Variants in CTBP2 observed in about 807,000 individuals in gnomAD.
The protein encoded by CTBP2 is C-terminal binding protein 2, also known as C-terminal-binding protein 2.
In CTBP2, 30 loss-of-function variants were observed where a neutral mutation model predicts 80.3. The ratio of observed to expected loss-of-function variants is 0.37; its 90% CI spans 0.28 to 0.51. CTBP2 has a LOEUF of 0.51. Among genes scored for constraint, CTBP2 ranks in the 20% least tolerant of loss-of-function variants. CTBP2 has a pLI of 0.93. For synonymous variants in CTBP2, 594 were observed against 587.4 expected (o/e 1.01, Z -0.16); for missense variants, 1,212 against 1,375.3 (o/e 0.88, Z 1.88).
At chr10:125,004,575 G>A (rs571517237) in intron 1 of CTBP2, among the ~76,000 whole-genome samples, 1 of 152,186 alleles carries the variant, frequency 6.6e-6, no homozygotes, top group East Asian at 1.9e-4. Flanking sequence ...AGTTCCAGAG[G>A]TGCAATCCGC....
In CTBP2 at chr10:124,985,888, C is replaced by A; in HGVS notation, c.*3630G>T. 6.7e-6 allele frequency: 1 copy of A among 148,444 alleles called. No homozygotes were observed. Among genetic ancestry groups the A allele is most frequent in the South Asian group, 2.3e-4 (1 of 4,368 alleles). 9.2% of individuals were successfully genotyped at this position (148,444 alleles called of 1,614,324 possible). On this transcript the variant is annotated 3_prime_UTR_variant, in exon 9 of 9. Coordinates refer to ENST00000309035, the MANE Select transcript of CTBP2 (RefSeq NM_022802.3). ...CCAGATTGCCATGCCAGAGGGTCTT[C>A]GGATTCTTCCTTCTATCACCTCTGC...
intron 1 of CTBP2, among the ~76,000 whole-genome samples, chr10:125,120,151 C>A (rs544314108): frequency 9.5e-4 from 144 of 152,316 alleles, no homozygotes; most frequent in African/African-American, 3.3e-3. Context: ...GGATCTAGGA[C>A]CCCGACTGAT....
intron 2 of CTBP2, among the ~76,000 whole-genome samples, chr10:125,075,360 T>G (rs1846123428): frequency 6.6e-6 from 1 of 152,156 alleles, no homozygotes; most frequent in African/African-American, 2.4e-5. Context: ...TCTACCCCCA[T>G]TAATGAATCA....
At chr10:125,155,323 C>T (rs1272165787) in intron 1 of CTBP2, among the ~76,000 whole-genome samples, 2 of 152,186 alleles carry the variant, frequency 1.3e-5, no homozygotes, top group African/African-American at 4.8e-5. Context: ...TAGCCCTTGG[C>T]TCCCATGGTC....
rs549589018 is a variant in CTBP2 at position 125,140,620 on chromosome 10, C to T, written c.-206+19699G>A. Among the ~76,000 whole-genome samples the T allele has an allele frequency of 3.3e-5, 5 of 151,690 alleles. No individual in the cohort carries two copies. In the South Asian group the frequency reaches 1.1e-3, roughly 32 times the overall value. Reference sequence around the variant, plus strand: ...GGTGGATCACCTGAGGTCAGGAGTTCGAGACCAGCCTGGCTAACATGGCAA... The same window carrying T: ...GGTGGATCACCTGAGGTCAGGAGTTTGAGACCAGCCTGGCTAACATGGCAA... On this transcript the variant is annotated intron_variant, in intron 1 of 10. Transcript: ENST00000337195.
intron 1 of CTBP2, chr10:125,133,453 C>G (rs1000714025): frequency 1.3e-5 from 2 of 152,200 alleles, no homozygotes; most frequent in Non-Finnish European, 2.9e-5. Context: ...AGCAGTGAAG[C>G]CAAGCATGCA....
In CTBP2 at chr10:124,994,578, T is replaced by C. The variant is rs1307873561; in HGVS notation, c.2291A>G (p.Gln764Arg). ...CAAATCCTGCAGGGTGTAGACCCTC[T>C]GCACGCCCAGGGACCGCTCGATCCC... The change falls in exon 5 of 9, where the codon CAG becomes CGG. Residue 764 changes from glutamine to arginine, a missense_variant. Around this residue, in one of 3 missense-constraint regions of CTBP2, gnomAD observed 335 missense variants for 504.7 expected, o/e 0.66. Transcript: ENST00000309035. The C allele has an allele frequency of 6.2e-7, 1 of 1,614,020 alleles. No homozygotes were observed. The highest frequency in any genetic ancestry group is 8.5e-7 in the Non-Finnish European group (1 of 1,179,866).
At chr10:125,030,586 A>C (rs1958072174), upstream of CTBP2, among the ~76,000 whole-genome samples, 1 of 152,252 alleles carries the variant, frequency 6.6e-6, no homozygotes, top group Non-Finnish European at 1.5e-5. Context: ...ATCATGCAGG[A>C]AACTGCTTGA....
intron 2 of CTBP2, 26 bp from the exon 5 acceptor site, chr10:125,003,130 G>A (rs777026257): frequency 1.5e-5 from 24 of 1,613,052 alleles, no homozygotes; most frequent in Admixed American, 1.0e-4. Context: ...GCACAGGGTC[G>A]GAGCCCCACC....
chr10:124,995,389 G>A (rs892121525), intron 4 of CTBP2, among the ~76,000 whole-genome samples: 1 of 152,208 alleles, frequency 6.6e-6, no homozygotes, highest in Non-Finnish European at 1.5e-5. Context: ...AACCCATGGG[G>A]TCCCCCTCGA....
intron 1 of CTBP2, among the ~76,000 whole-genome samples, chr10:125,112,142 TC>T (rs1852385749): frequency 7.1e-6 from 1 of 141,488 alleles, no homozygotes; most frequent in Non-Finnish European, 1.5e-5. Context: ...AGAAAGAGTC[TC>T]ACTCTGTCAC....
At chr10:124,993,059 A>G in intron 7 of CTBP2, 143 bp downstream of exon 9, 1 of 1,098,534 alleles carries the variant, frequency 9.1e-7, no homozygotes, top group Non-Finnish European at 1.3e-6. Flanking sequence ...GCTTACGTAA[A>G]TAAACAGGGC....
intron 3 of CTBP2, among the ~76,000 whole-genome samples, chr10:125,035,102 G>A (rs1203169318): frequency 6.6e-6 from 1 of 152,114 alleles, no homozygotes; most frequent in East Asian, 1.9e-4. Flanking sequence ...GAGACCCACT[G>A]GGGAAACTCC....
chr10:125,033,884 C>T (rs11595737), intron 3 of CTBP2, among the ~76,000 whole-genome samples: 13,061 of 152,166 alleles, frequency 0.086, 763 homozygotes, highest in Admixed American at 0.17. Context: ...CAGGGCACCA[C>T]CAACCAGGCG....
intron 2 of CTBP2, among the ~76,000 whole-genome samples, chr10:125,105,340 T>TG (rs972050114): frequency 6.6e-6 from 1 of 152,158 alleles, no homozygotes; most frequent in Admixed American, 6.5e-5. Flanking sequence ...TTTATAGAGA[T>TG]GGGGTCTTGC....
At chr10:125,083,847 C>G (rs529079371) in intron 2 of CTBP2, among the ~76,000 whole-genome samples, 207 of 152,298 alleles carry the variant, frequency 1.4e-3, no homozygotes, top group African/African-American at 4.6e-3. Context: ...GTGGTGCGAT[C>G]TGGGCTCACT....
At chr10:124,999,004 G>A (rs1045964767) in intron 3 of CTBP2, 2 of 152,390 alleles carry the variant, frequency 1.3e-5, no homozygotes, top group African/African-American at 4.8e-5. Flanking sequence ...AGGGTGTCTG[G>A]GGAAGAATGA....
intron 1 of CTBP2, among the ~76,000 whole-genome samples, chr10:125,154,503 T>C (rs892957451): frequency 1.3e-5 from 2 of 152,272 alleles, no homozygotes; most frequent in Admixed American, 6.5e-5. Context: ...ATCACAATTT[T>C]TGTGAATATT....
At chr10:125,070,686 G>C (rs1324523056) in intron 2 of CTBP2, among the ~76,000 whole-genome samples, 1 of 151,950 alleles carries the variant, frequency 6.6e-6, no homozygotes, top group African/African-American at 2.4e-5. Context: ...TATTTTTTGA[G>C]AGGGAGTCTC....
Sources: allele counts gnomAD v4.1 joint callset (sites outside exome capture counted in the v4.1 genomes callset), GRCh38; gene constraint gnomAD v4.1.1; regional missense constraint gnomAD v4.1.1; transcripts MANE v1.5; gene names NCBI Gene and HGNC (gene_info 2026-07-23, HGNC 2026-07-21).